Variants in ZNF730 observed in about 807,000 individuals in gnomAD.
ZNF730 encodes the protein putative zinc finger protein 730.
In ZNF730, 12 loss-of-function variants were observed where a neutral mutation model predicts 12.6. The ratio of observed to expected loss-of-function variants is 0.95; its 90% CI spans 0.61 to 1.54. The LOEUF (loss-of-function observed/expected upper bound fraction) is 1.54. ZNF730 is among the 40% of genes most tolerant of loss of function. ZNF730 has a pLI of 0.00. For synonymous variants in ZNF730, 194 were observed against 195.8 expected, an observed-to-expected ratio of 0.99 and a Z score of 0.08; for missense variants, 643 against 583.5, an observed-to-expected ratio of 1.10 and a Z score of -1.05.
intron 1 of ZNF730, among the ~76,000 whole-genome samples, chr19:23,091,999 C>A (rs1436182289): frequency 6.6e-6 from 1 of 152,114 alleles, no homozygotes; most frequent in Non-Finnish European, 1.5e-5. Context: ...AGTTGTGTAT[C>A]CCAGAAGTCC....
At position 23,133,087 on chromosome 19, in the gene ZNF730, A is replaced by C. The variant is rs151019803; in HGVS notation, c.4-993A>C. Among the ~76,000 whole-genome samples, 288 of 152,268 alleles carry C rather than the reference A, an allele frequency of 1.9e-3. 2 individuals carry two copies. The highest frequency in any genetic ancestry group is 6.6e-3 in the African/African-American group (275 of 41,554). ...AGATTTCTTCAATATGGAGTTAATT[A>C]TTTTTCTCTTCATTAGTAGTTTCTT... On this transcript the variant is annotated intron_variant, in intron 1 of 3. Coordinates refer to ENST00000597761, the MANE Select transcript of ZNF730 (RefSeq NM_001277403.2).
intron 1 of ZNF730, among the ~76,000 whole-genome samples, chr19:23,110,497 T>G (rs1441629905): frequency 6.9e-6 from 1 of 144,406 alleles, no homozygotes; most frequent in Non-Finnish European, 1.5e-5. Flanking sequence ...GGCTGGATGG[T>G]CTCGAACTTC....
intron 1 of ZNF730, among the ~76,000 whole-genome samples, chr19:23,119,477 A>T (rs753345381): frequency 6.6e-6 from 1 of 152,206 alleles, no homozygotes; most frequent in Non-Finnish European, 1.5e-5. Flanking sequence ...CATCAAGGAT[A>T]TTAGCCTGAA....
intron 1 of ZNF730, among the ~76,000 whole-genome samples, chr19:23,077,454 T>C (rs1257179516): frequency 3.5e-5 from 4 of 114,810 alleles, no homozygotes; most frequent in Admixed American, 8.8e-5. Context: ...TTTTTTTTTT[T>C]TGAGATGGCG....
intron 3 of ZNF730, among the ~76,000 whole-genome samples, chr19:23,137,896 C>T (rs1369943714): frequency 6.6e-6 from 1 of 152,148 alleles, no homozygotes; most frequent in African/African-American, 2.4e-5. Flanking sequence ...GAGTGAATAT[C>T]CTTTAGGACT....
intron 1 of ZNF730, among the ~76,000 whole-genome samples, chr19:23,104,371 A>G (rs1328229921): frequency 6.6e-6 from 1 of 152,018 alleles, no homozygotes; most frequent in African/African-American, 2.4e-5. Flanking sequence ...CAAGCAAAAC[A>G]AGAGTTAAGT....
intron 1 of ZNF730, among the ~76,000 whole-genome samples, chr19:23,118,359 GTTTTTTGTTTTTT>G (rs933526069): frequency 2.2e-3 from 267 of 121,172 alleles, no homozygotes; most frequent in African/African-American, 9.5e-3. Flanking sequence ...GGTCAAGTTT[GTTTTTTGTTTTTT>G]TTTTTTGTTT....
intron 1 of ZNF730, among the ~76,000 whole-genome samples, chr19:23,077,424 C>CTTTTTTTTTTT (rs71163442): frequency 2.2e-5 from 1 of 45,566 alleles, no homozygotes; most frequent in African/African-American, 8.8e-5. Context: ...TCCCTAAGAG[C>CTTTTTTTTTTT]TTTTTTTTTT....
intron 1 of ZNF730, chr19:23,128,452 A>T (rs116413853): frequency 3.0e-4 from 105 of 354,326 alleles, no homozygotes; most frequent in African/African-American, 2.1e-3. Flanking sequence ...AAAGAAGTGG[A>T]ACCATCCCAA....
At chr19:23,108,449 C>T in intron 1 of ZNF730, among the ~76,000 whole-genome samples, 1 of 152,112 alleles carries the variant, frequency 6.6e-6, no homozygotes, top group Non-Finnish European at 1.5e-5. Context: ...GAGATTTGTC[C>T]CATGGCTGCT....
intron 1 of ZNF730, among the ~76,000 whole-genome samples, chr19:23,121,443 A>G (rs1392034949): frequency 2.0e-5 from 3 of 152,018 alleles, no homozygotes; most frequent in African/African-American, 7.2e-5. Flanking sequence ...GGTTCAAGAG[A>G]TTCTCCTGCT....
chr19:23,145,207 G>A, intron 3 of ZNF730, 64 bp from the exon 4 acceptor site: 1 of 1,125,730 alleles, frequency 8.9e-7, no homozygotes, highest in South Asian at 2.6e-5. Context: ...AACTTTATAG[G>A]TTAGGTTTAT....
intron 3 of ZNF730, among the ~76,000 whole-genome samples, chr19:23,142,088 G>A (rs557344270): frequency 2.6e-5 from 4 of 152,118 alleles, no homozygotes; most frequent in East Asian, 3.9e-4. Flanking sequence ...AGAAACACAC[G>A]TGTATATACA....
At chr19:23,104,195 G>A (rs534925540) in intron 1 of ZNF730, among the ~76,000 whole-genome samples, 6 of 151,730 alleles carry the variant, frequency 4.0e-5, no homozygotes, top group African/African-American at 1.5e-4. Flanking sequence ...TCAGCTACTC[G>A]GGAGGCTGAG....
intron 1 of ZNF730, among the ~76,000 whole-genome samples, chr19:23,080,139 T>C (rs1969938812): frequency 6.6e-6 from 1 of 151,912 alleles, no homozygotes. Flanking sequence ...AGAGACAGAG[T>C]TTCACCATGT....
intron 1 of ZNF730, among the ~76,000 whole-genome samples, chr19:23,133,459 A>T (rs1970772794): frequency 6.6e-6 from 1 of 152,122 alleles, no homozygotes; most frequent in South Asian, 2.1e-4. Flanking sequence ...CGCCTGCCTC[A>T]GCCTTCCCGA....
chr19:23,133,285 G>C (rs1162239143), intron 1 of ZNF730, among the ~76,000 whole-genome samples: 4 of 152,078 alleles, frequency 2.6e-5, no homozygotes, highest in Non-Finnish European at 4.4e-5. Flanking sequence ...TGACAAAATA[G>C]CCTTCTTGGG....
chr19:23,075,740 AT>A (rs915421316), intron 1 of ZNF730, among the ~76,000 whole-genome samples: 28 of 148,424 alleles, frequency 1.9e-4, no homozygotes, highest in African/African-American at 6.2e-4. Context: ...CTTTCCTGTT[AT>A]TTTTTTTTTC....
At chr19:23,081,558 G>A (rs1475580278) in intron 1 of ZNF730, among the ~76,000 whole-genome samples, 64 of 152,152 alleles carry the variant, frequency 4.2e-4, no homozygotes, top group South Asian at 6.2e-4. Flanking sequence ...GACCCCAGGT[G>A]ATCCACCCGC....
Sources: gnomAD v4.1 joint callset for allele counts (sites outside exome capture counted in the v4.1 genomes callset) on GRCh38, gnomAD v4.1.1 for gene constraint, MANE v1.5 for transcripts, NCBI Gene and HGNC (gene_info 2026-07-23, HGNC 2026-07-21) for gene names.